Variants in TMEM131L observed in about 807,000 individuals in gnomAD.
TMEM131L encodes transmembrane protein 131-like.
A neutral mutation model predicts 192.2 loss-of-function variants in TMEM131L; 54 were observed. The ratio of observed to expected loss-of-function variants is 0.28; its 90% CI spans 0.23 to 0.35. The LOEUF is 0.35. Ranked by LOEUF, TMEM131L falls within the 10% of genes least tolerant of loss-of-function variation. The probability of loss-of-function intolerance (pLI) is 1.00; values close to 1 mark genes in which losing one functional copy is unlikely to be tolerated. For missense variants in TMEM131L, 1,888 were observed against 1,972.9 expected (o/e 0.96, Z 0.82); for synonymous variants, 701 against 704.9 (o/e 0.99, Z 0.09).
intron 3 of TMEM131L, among the ~76,000 whole-genome samples, chr4:153,498,531 G>C (rs149984256): frequency 8.1e-4 from 123 of 152,326 alleles, no homozygotes; most frequent in African/African-American, 2.7e-3. Context: ...GTGAGAGAGC[G>C]TGTGGGTGTG....
chr4:153,520,343 C>T (rs370464341), intron 3 of TMEM131L, among the ~76,000 whole-genome samples: 3 of 152,074 alleles, frequency 2.0e-5, no homozygotes, highest in African/African-American at 4.8e-5. Context: ...TAGTGGCACT[C>T]GTCCGTGGTT....
intron 33 of TMEM131L, 64 bp downstream of exon 33, chr4:153,634,344 G>A: frequency 7.7e-7 from 1 of 1,302,362 alleles, no homozygotes; most frequent in Non-Finnish European, 1.1e-6. Flanking sequence ...AGCAGGAAGT[G>A]TGTGGACTAA....
chr4:153,592,344 T>C, intron 17 of TMEM131L, 131 bp from the exon 18 acceptor site: 1 of 644,148 alleles, frequency 1.6e-6, no homozygotes, highest in Non-Finnish European at 2.8e-6. Flanking sequence ...TGGCCATTTA[T>C]TTCCTATGAT....
At chr4:153,559,632 C>T (rs1030256332) in intron 7 of TMEM131L, among the ~76,000 whole-genome samples, 39 of 152,236 alleles carry the variant, frequency 2.6e-4, no homozygotes, top group African/African-American at 7.7e-4. Flanking sequence ...GCAGATCCTG[C>T]GTACTTCTCA....
At chr4:153,581,145 T>C (rs1275061872) in intron 8 of TMEM131L, among the ~76,000 whole-genome samples, 1 of 152,126 alleles carries the variant, frequency 6.6e-6, no homozygotes, top group Non-Finnish European at 1.5e-5. Context: ...TCCCAGCTAC[T>C]TGGGAGGCTG....
At chr4:153,596,409 T>C in intron 20 of TMEM131L, 24 bp downstream of exon 20, 3 of 1,611,170 alleles carry the variant, frequency 1.9e-6, no homozygotes, top group Non-Finnish European at 2.5e-6. Flanking sequence ...TGTTGTAGAA[T>C]CTGTTTCTTT....
At position 153,591,210 on chromosome 4, in the gene TMEM131L, C is replaced by G; in HGVS notation, c.1812+16C>G. The stretch of plus-strand genomic sequence containing the variant: ...GAGCAGGATGGTGAGGACAGTGTGT[C>G]TTTTCATTTCTTTGTCAGTGACTCC... On this transcript the variant is annotated intron_variant, in intron 17 of 34. Transcript: ENST00000409959. 1 of 1,562,578 alleles carries G rather than the reference C, an allele frequency of 6.4e-7. No individual in the cohort carries two copies. Among genetic ancestry groups the G allele is most frequent in the Non-Finnish European group, 8.7e-7 (1 of 1,153,122 alleles).
Position 153,627,620 on chromosome 4 carries a change from C to G in TMEM131L, c.4140C>G (p.Leu1380=). 1 of 1,614,034 alleles carries G rather than the reference C, an allele frequency of 6.2e-7. No homozygotes were observed. ...TTCCCCACAGGACCGTGAATAGTCT[C>G]CCACAATACGCAGAGCCTTCCTGTC... is the stretch of plus-strand genomic sequence containing the variant. ...NICNPMTVNS[L]PQYAEPSCPS... The change falls in exon 31 of 35, where the codon CTC becomes CTG. Residue 1380 remains leucine (L), a synonymous_variant. Coordinates refer to ENST00000409959, the MANE Select transcript of TMEM131L (RefSeq NM_001131007.2).
At position 153,538,027 on chromosome 4, in the gene TMEM131L, C is replaced by G. The variant is rs140703444; in HGVS notation, c.240-12046C>G. Among the ~76,000 whole-genome samples the G allele has an allele frequency of 3.9e-3, 587 of 152,296 alleles. 4 individuals carry two copies. Among genetic ancestry groups the G allele is most frequent in the Non-Finnish European group, 4.6e-3 (311 of 68,028 alleles). On this transcript the variant is annotated intron_variant, in intron 3 of 34. Coordinates refer to ENST00000409959, the MANE Select transcript of TMEM131L (RefSeq NM_001131007.2). ...AGTAGAGCGGGAACACAAGTATTTTCCCTTGTAAGGTTCCTGCCAGCCACC... is the reference window on the plus strand; with the variant it reads ...AGTAGAGCGGGAACACAAGTATTTTGCCTTGTAAGGTTCCTGCCAGCCACC...
At chr4:153,496,143 A>C (rs1733154302) in intron 3 of TMEM131L, among the ~76,000 whole-genome samples, 1 of 152,212 alleles carries the variant, frequency 6.6e-6, no homozygotes, top group African/African-American at 2.4e-5. Context: ...ATCAAAATAG[A>C]TTAGGCTATG....
At chr4:153,518,618 A>G (rs898452161) in intron 3 of TMEM131L, among the ~76,000 whole-genome samples, 3 of 152,236 alleles carry the variant, frequency 2.0e-5, no homozygotes, top group African/African-American at 7.2e-5. Flanking sequence ...CTTAAGCATC[A>G]TAGAAGCGAT....
chr4:153,473,941 T>G, intron 3 of TMEM131L, 53 bp downstream of exon 3: 1 of 1,299,974 alleles, frequency 7.7e-7, no homozygotes, highest in South Asian at 1.3e-5. Flanking sequence ...CTGCCCACTT[T>G]GGGTGCTCTC....
intron 26 of TMEM131L, among the ~76,000 whole-genome samples, chr4:153,616,055 G>A (rs879615967): frequency 1.3e-5 from 2 of 152,026 alleles, no homozygotes; most frequent in East Asian, 3.8e-4. Flanking sequence ...TCTTGCTGTC[G>A]GTCTCAGTGG....
In TMEM131L at chr4:153,587,825, C is replaced by T. The variant is rs1578808134; in HGVS notation, c.1552+14C>T. 1.3e-6 allele frequency: 2 copies of T among 1,595,034 alleles called. No individual in the cohort carries two copies. The highest frequency in any genetic ancestry group is 1.1e-5 in the South Asian group (1 of 90,676). On this transcript the variant is annotated intron_variant, in intron 15 of 34. Transcript: ENST00000409959. Reference sequence around the variant, plus strand: ...AATCAAAAGCAGGTAAGTATTTTGCCCTTAGGCTTTCTGTAGATCTCTAGT... The same window carrying T: ...AATCAAAAGCAGGTAAGTATTTTGCTCTTAGGCTTTCTGTAGATCTCTAGT...
At chr4:153,486,066 C>T (rs915567442) in intron 3 of TMEM131L, among the ~76,000 whole-genome samples, 6 of 152,088 alleles carry the variant, frequency 3.9e-5, no homozygotes, top group South Asian at 2.1e-4. Context: ...AGCTGTCTGT[C>T]GAAGGAGACT....
At chr4:153,566,783 C>T (rs964502786) in intron 7 of TMEM131L, among the ~76,000 whole-genome samples, 1 of 152,190 alleles carries the variant, frequency 6.6e-6, no homozygotes, top group Non-Finnish European at 1.5e-5. Context: ...GAGAGATTTT[C>T]TCCCCTGCCA....
rs544074002 is a variant in TMEM131L at position 153,571,813 on chromosome 4, G to A, written c.661-9013G>A. Among the ~76,000 whole-genome samples the A allele has an allele frequency of 3.5e-4, 53 of 152,158 alleles. 1 individual carries two copies. In the South Asian group the frequency reaches 6.0e-3, roughly 17 times the overall value. ...TGAGCTCAAGTGATCCACCTGCCTC[G>A]GTCTACCAAAGTGCTAGGATGACAG... On this transcript the variant is annotated intron_variant, in intron 7 of 34. Coordinates refer to ENST00000409959, the MANE Select transcript of TMEM131L (RefSeq NM_001131007.2).
chr4:153,622,842 A>G lies in TMEM131L; in HGVS notation c.3860-56A>G. 5.8e-6 allele frequency: 9 copies of G among 1,554,746 alleles called. 1 individual carries two copies. The South Asian group carries it at 1.0e-4, about 17-fold the overall frequency. On this transcript the variant is annotated intron_variant, in intron 28 of 34. Coordinates refer to ENST00000409959, the MANE Select transcript of TMEM131L (RefSeq NM_001131007.2). ...CTGTCACCTCTCTCTTTCTGTTAGA[A>G]ATGCATGAGGTTGACAGTTGTTTCA...
At chr4:153,502,787 T>G (rs1733704726) in intron 3 of TMEM131L, among the ~76,000 whole-genome samples, 1 of 152,344 alleles carries the variant, frequency 6.6e-6, no homozygotes, top group Middle Eastern at 3.4e-3. Context: ...TTATAATTTC[T>G]TGTTACTTGA....
Sources: allele counts gnomAD v4.1 joint callset (sites outside exome capture counted in the v4.1 genomes callset), GRCh38; gene constraint gnomAD v4.1.1; transcripts MANE v1.5; gene names NCBI Gene and HGNC (gene_info 2026-07-23, HGNC 2026-07-21).